CHRM3: variants seen among roughly 807,000 people sequenced by gnomAD.
CHRM3 encodes the protein cholinergic receptor muscarinic 3.
In CHRM3, 11 loss-of-function variants were observed where a neutral mutation model predicts 41.8. The observed-to-expected ratio is 0.26, with a 90% CI of 0.17 to 0.44. CHRM3 has a LOEUF of 0.44. Ranked by LOEUF, CHRM3 falls within the 20% of genes least tolerant of loss-of-function variation. The pLI, the probability that CHRM3 is intolerant of heterozygous loss-of-function variation, is 1.00. For synonymous variants in CHRM3, 297 were observed against 301.4 expected, an observed-to-expected ratio of 0.99 and a Z score of 0.15; for missense variants, 571 against 745.4, an observed-to-expected ratio of 0.77 and a Z score of 2.72.
At chr1:239,766,394 G>T (rs1292480276) in intron 5 of CHRM3, among the ~76,000 whole-genome samples, 1 of 152,032 alleles carries the variant, frequency 6.6e-6, no homozygotes, top group Non-Finnish European at 1.5e-5. Context: ...ATAAATACAA[G>T]GAGAGGATCA....
chr1:239,404,093 C>T (rs1194300714), intron 1 of CHRM3, among the ~76,000 whole-genome samples: 2 of 148,772 alleles, frequency 1.3e-5, no homozygotes, highest in Non-Finnish European at 3.0e-5. Context: ...TCGAGACCAT[C>T]CTGGCTAACA....
chr1:239,712,940 T>C (rs1341822909), intron 5 of CHRM3, among the ~76,000 whole-genome samples: 1 of 152,204 alleles, frequency 6.6e-6, no homozygotes, highest in Non-Finnish European at 1.5e-5. Context: ...ATAGGTATGA[T>C]ACAGCGACAA....
At chr1:239,402,771 CT>C (rs1400197283) in intron 1 of CHRM3, among the ~76,000 whole-genome samples, 2 of 152,290 alleles carry the variant, frequency 1.3e-5, no homozygotes, top group East Asian at 1.9e-4. Flanking sequence ...GCTCAAGTCT[CT>C]TGTATAAAAC....
In CHRM3 at chr1:239,894,729, G is replaced by A. The variant is rs200007535; in HGVS notation, c.-19-12704G>A. Among the ~76,000 whole-genome samples, 86 of 148,018 alleles carry A rather than the reference G, an allele frequency of 5.8e-4. 2 individuals are homozygous for A. Among genetic ancestry groups the A allele is most frequent in the Non-Finnish European group, 1.0e-3 (69 of 66,508 alleles). ...ATTACAGGCATGAGCCACCGCGCCC[G>A]ACCGAGAAGTCTTCCATTTATAAAG... On this transcript the variant is annotated intron_variant, in intron 6 of 6. Coordinates refer to ENST00000676153, the MANE Select transcript of CHRM3 (RefSeq NM_001375978.1).
intron 1 of CHRM3, among the ~76,000 whole-genome samples, chr1:239,396,994 C>T (rs1031834065): frequency 1.3e-5 from 2 of 152,190 alleles, no homozygotes; most frequent in African/African-American, 4.8e-5. Context: ...TTTCTGATCA[C>T]TTAAATATGC....
At chr1:239,456,239 C>T (rs1453056614) in intron 1 of CHRM3, among the ~76,000 whole-genome samples, 2 of 152,172 alleles carry the variant, frequency 1.3e-5, no homozygotes, top group South Asian at 2.1e-4. Context: ...CTGTGAGAGT[C>T]GGGCTGGTTT....
chr1:239,666,307 G>T (rs2149037374), intron 4 of CHRM3, among the ~76,000 whole-genome samples: 1 of 151,510 alleles, frequency 6.6e-6, no homozygotes, highest in South Asian at 2.1e-4. Flanking sequence ...CTATTCTCCT[G>T]ACTCAGCCTC....
chr1:239,531,595 A>C (rs539599316), intron 2 of CHRM3, among the ~76,000 whole-genome samples: 88 of 135,008 alleles, frequency 6.5e-4, no homozygotes, highest in Middle Eastern at 4.1e-3. Context: ...AAAATCATGT[A>C]TGCTATGTGC....
At chr1:239,757,571 A>G (rs1168595817) in intron 5 of CHRM3, among the ~76,000 whole-genome samples, 2 of 151,320 alleles carry the variant, frequency 1.3e-5, no homozygotes, top group East Asian at 3.9e-4. Context: ...TGGAGCTTGC[A>G]GTGAGCCGAG....
chr1:239,907,392 C>A lies in CHRM3; in HGVS notation c.-19-41C>A. On this transcript the variant is annotated intron_variant, in intron 6 of 6. Transcript: ENST00000676153. The surrounding 1 kb of genome is among the most constrained non-coding windows in gnomAD (Gnocchi z 5.4). ...AATGCAAAGAACAAACAAATAAAGG[C>A]AGAAATTTTTCTAACTCTGTCTCTT... 6.7e-7 allele frequency: 1 copy of A among 1,502,324 alleles called. No homozygotes were observed. Among genetic ancestry groups the A allele is most frequent in the Non-Finnish European group, 9.1e-7 (1 of 1,104,488 alleles). 93.1% of individuals were successfully genotyped at this position (1,502,324 alleles called of 1,614,324 possible). A position where few individuals can be genotyped will look rare whatever the true frequency, so the allele number is the denominator to read the frequency against.
intron 1 of CHRM3, among the ~76,000 whole-genome samples, chr1:239,488,586 G>A (rs1667339817): frequency 6.6e-6 from 1 of 151,460 alleles, no homozygotes; most frequent in Admixed American, 6.6e-5. Flanking sequence ...GTGGTGGCAG[G>A]CGCCTGTAGT....
intron 4 of CHRM3, among the ~76,000 whole-genome samples, chr1:239,659,760 G>A (rs1237123703): frequency 6.6e-6 from 1 of 152,128 alleles, no homozygotes. Context: ...TGCATAACTG[G>A]TACCATTCCA....
rs369634435 is a variant in CHRM3, at chr1:239,870,038, G to A, written c.-19-37395G>A. Reference sequence around the variant, plus strand: ...ATTATGTCCTTTATGTTTGGGGACCGTTCTGCAATTCTTATGAGTCATTCC... The same window carrying A: ...ATTATGTCCTTTATGTTTGGGGACCATTCTGCAATTCTTATGAGTCATTCC... On this transcript the variant is annotated intron_variant, in intron 6 of 6. Coordinates refer to ENST00000676153, the MANE Select transcript of CHRM3 (RefSeq NM_001375978.1). 1.4e-3 allele frequency among the ~76,000 whole-genome samples: 217 copies of A among 152,244 alleles called. 2 individuals are homozygous for A. The South Asian group carries it at 0.019, about 13-fold the overall frequency.
At chr1:239,403,467 C>T (rs556834646) in intron 1 of CHRM3, among the ~76,000 whole-genome samples, 1 of 152,266 alleles carries the variant, frequency 6.6e-6, no homozygotes, top group South Asian at 2.1e-4. Flanking sequence ...TTCCTGATGA[C>T]TTATATGCAG....
chr1:239,576,135 A>G (rs953687987), intron 3 of CHRM3, among the ~76,000 whole-genome samples: 2 of 152,056 alleles, frequency 1.3e-5, no homozygotes, highest in African/African-American at 2.4e-5. Context: ...ATGTTGTGTC[A>G]TATGTCACAA....
chr1:239,449,580 C>T (rs1664413258), intron 1 of CHRM3, among the ~76,000 whole-genome samples: 2 of 152,028 alleles, frequency 1.3e-5, no homozygotes, highest in Non-Finnish European at 2.9e-5. Context: ...GAAAGTAAAA[C>T]TGGTAGAGGG....
intron 2 of CHRM3, among the ~76,000 whole-genome samples, chr1:239,502,243 C>A (rs996340957): frequency 1.3e-5 from 2 of 151,936 alleles, no homozygotes; most frequent in Admixed American, 1.3e-4. Flanking sequence ...AGAAATGAAA[C>A]AGGAAATATT....
At chr1:239,652,345 A>G (rs1468673823) in intron 4 of CHRM3, among the ~76,000 whole-genome samples, 1 of 152,140 alleles carries the variant, frequency 6.6e-6, no homozygotes, top group African/African-American at 2.4e-5. Context: ...AAGCACATAG[A>G]TCTTGGTTCA....
At chr1:239,584,306 G>A (rs10925919) in intron 3 of CHRM3, among the ~76,000 whole-genome samples, 15,907 of 151,754 alleles carry the variant, frequency 0.1, 880 homozygotes, top group African/African-American at 0.13. Flanking sequence ...GTTTTGCCAT[G>A]CTGGCCAGGC....
Sources: allele counts gnomAD v4.1 joint callset (sites outside exome capture counted in the v4.1 genomes callset), GRCh38; gene constraint gnomAD v4.1.1; non-coding constraint Gnocchi (gnomAD v3.1); transcripts MANE v1.5; gene names NCBI Gene and HGNC (gene_info 2026-07-23, HGNC 2026-07-21).